CSNK2A2IP: variants seen among roughly 807,000 people sequenced by gnomAD.
CSNK2A2IP encodes the protein casein kinase II subunit alpha'-interacting protein.
chr3:88,458,141 G>GGTTTTTTTTTTTTTTTTT, the CSNK2A2IP span, among the ~76,000 whole-genome samples: 3 of 83,304 alleles, frequency 3.6e-5, 1 homozygote, highest in South Asian at 4.2e-4. Flanking sequence ...TGTAATTGTG[G>GGTTTTTTTTTTTTTTTTT]TTTTTTTTTT....
At chr3:88,440,463 T>G in the CSNK2A2IP span, among the ~76,000 whole-genome samples, 1 of 152,060 alleles carries the variant, frequency 6.6e-6, no homozygotes, top group East Asian at 1.9e-4. Flanking sequence ...CTCTGGCAGA[T>G]AAAAAATGGG....
At chr3:88,372,803 T>G in the CSNK2A2IP span, among the ~76,000 whole-genome samples, 1 of 151,438 alleles carries the variant, frequency 6.6e-6, no homozygotes, top group African/African-American at 2.4e-5. Context: ...AACCATAATG[T>G]GCAAATGGTA....
At chr3:88,410,814 A>C in the CSNK2A2IP span, among the ~76,000 whole-genome samples, 1 of 152,008 alleles carries the variant, frequency 6.6e-6, no homozygotes, top group African/African-American at 2.4e-5. Context: ...GATGATAAAA[A>C]CTTGATGTTG....
the CSNK2A2IP span, among the ~76,000 whole-genome samples, chr3:88,355,077 G>T: frequency 2.6e-5 from 4 of 152,142 alleles, no homozygotes; most frequent in Admixed American, 2.0e-4. Flanking sequence ...TGCCAGCAAT[G>T]CAAAGTAAGA....
chr3:88,418,463 T>TGCGC, the CSNK2A2IP span, among the ~76,000 whole-genome samples: 11 of 149,632 alleles, frequency 7.4e-5, no homozygotes, highest in Admixed American at 2.0e-4. Flanking sequence ...TGTGTGTGTG[T>TGCGC]GCGCGCGGGC....
the CSNK2A2IP span, among the ~76,000 whole-genome samples, chr3:88,452,027 C>A: frequency 6.6e-6 from 1 of 152,026 alleles, no homozygotes; most frequent in Non-Finnish European, 1.5e-5. Flanking sequence ...GGATGAACTG[C>A]TCTGGAATAT....
the CSNK2A2IP span, among the ~76,000 whole-genome samples, chr3:88,429,329 T>C: frequency 6.6e-6 from 1 of 152,168 alleles, no homozygotes; most frequent in Non-Finnish European, 1.5e-5. Flanking sequence ...ATATAGATGT[T>C]ATTTACTTTA....
At chr3:88,408,378 G>A in the CSNK2A2IP span, among the ~76,000 whole-genome samples, 1 of 152,032 alleles carries the variant, frequency 6.6e-6, no homozygotes, top group Non-Finnish European at 1.5e-5. Flanking sequence ...TATTAGACTA[G>A]CTGTTTTGTT....
the CSNK2A2IP span, among the ~76,000 whole-genome samples, chr3:88,442,775 A>G: frequency 6.6e-6 from 1 of 152,008 alleles, no homozygotes; most frequent in Non-Finnish European, 1.5e-5. Context: ...AAAAAAAATC[A>G]GAATATGACA....
the CSNK2A2IP span, among the ~76,000 whole-genome samples, chr3:88,368,304 C>T: frequency 6.8e-6 from 1 of 146,120 alleles, no homozygotes; most frequent in Non-Finnish European, 1.5e-5. Context: ...AAAAGATGGA[C>T]AAAACAAAGG....
the CSNK2A2IP span, among the ~76,000 whole-genome samples, chr3:88,464,627 G>A: frequency 6.6e-6 from 1 of 152,018 alleles, no homozygotes; most frequent in Non-Finnish European, 1.5e-5. Context: ...ACTTTTGGAA[G>A]TAAACTAAAA....
the CSNK2A2IP span, among the ~76,000 whole-genome samples, chr3:88,370,706 C>A: frequency 6.6e-6 from 1 of 151,254 alleles, no homozygotes; most frequent in Admixed American, 6.6e-5. Context: ...CTGCAACTTT[C>A]ACATCTGTTA....
At chr3:88,395,365 G>T in the CSNK2A2IP span, among the ~76,000 whole-genome samples, 9 of 152,034 alleles carry the variant, frequency 5.9e-5, no homozygotes, top group Admixed American at 1.3e-4. Flanking sequence ...TGAAATAAGG[G>T]TCAAATTTAG....
the CSNK2A2IP span, among the ~76,000 whole-genome samples, chr3:88,388,258 G>A: frequency 6.6e-6 from 1 of 152,256 alleles, no homozygotes; most frequent in East Asian, 1.9e-4. Flanking sequence ...TGTCTTACAT[G>A]AAACAGTGGT....
chr3:88,466,641 T>A, the CSNK2A2IP span: 3 of 1,228,246 alleles, frequency 2.4e-6, no homozygotes, highest in East Asian at 9.5e-5. Flanking sequence ...GAACTGTCCC[T>A]GATGATGTGG....
the CSNK2A2IP span, among the ~76,000 whole-genome samples, chr3:88,375,615 A>G: frequency 6.6e-6 from 1 of 151,622 alleles, no homozygotes; most frequent in Admixed American, 6.6e-5. Context: ...CCTGGAAATA[A>G]CTCTATAGCC....
the CSNK2A2IP span, among the ~76,000 whole-genome samples, chr3:88,414,043 C>T: frequency 6.6e-6 from 1 of 151,212 alleles, no homozygotes; most frequent in African/African-American, 2.4e-5. Context: ...ATATACAATG[C>T]CAAGGTAGAA....
the CSNK2A2IP span, among the ~76,000 whole-genome samples, chr3:88,453,878 T>C: frequency 6.6e-6 from 1 of 152,096 alleles, no homozygotes; most frequent in Non-Finnish European, 1.5e-5. Flanking sequence ...AGTTTTTGAC[T>C]ATTCAAAAAA....
the CSNK2A2IP span, among the ~76,000 whole-genome samples, chr3:88,450,619 C>T: frequency 2.7e-4 from 41 of 152,130 alleles, no homozygotes; most frequent in Admixed American, 9.2e-4. Flanking sequence ...ATAGCAAGAT[C>T]GGGTTCTTTT....
Sources: gnomAD v4.1 joint callset for allele counts (sites outside exome capture counted in the v4.1 genomes callset) on GRCh38, gnomAD v4.1.1 for gene constraint, MANE v1.5 for transcripts, NCBI Gene and HGNC (gene_info 2026-07-23, HGNC 2026-07-21) for gene names.